CD96: variants seen among roughly 807,000 people sequenced by gnomAD.
CD96 encodes the protein CD96 molecule.
Under a neutral mutation model 71.3 loss-of-function variants are expected in CD96, and 70 were observed. That is an observed-to-expected ratio of 0.98 (90% CI 0.81 to 1.20). The LOEUF (loss-of-function observed/expected upper bound fraction) is 1.20, where lower values mean the gene tolerates loss of function less well. Ranked by LOEUF, CD96 falls within the 50% of genes most tolerant of loss-of-function variation. The probability of loss-of-function intolerance (pLI) is 0.00; values close to 1 mark genes in which losing one functional copy is unlikely to be tolerated. For synonymous variants in CD96, 248 were observed against 233.0 expected (o/e 1.06, Z -0.59); for missense variants, 742 against 677.5 (o/e 1.10, Z -1.06).
Position 111,649,738 on chromosome 3 carries a change from A to G in CD96, c.1642A>G (p.Ile548Val), listed in dbSNP as rs759806710. ...PPPFKPPPPP[I>V]KYTCIQEPNE... ...ACCTTTCAAGCCACCACCACCTCCCATCAAGTACACTTGCATTCAAGAGCC... is the reference window on the plus strand; with the variant it reads ...ACCTTTCAAGCCACCACCACCTCCCGTCAAGTACACTTGCATTCAAGAGCC... The change falls in exon 14 of 14, where the codon ATC (isoleucine) becomes GTC (valine). Residue 548 changes from isoleucine (I) to valine (V), a missense_variant. By Grantham distance (29) the Ile-to-Val change is conservative. Transcript: ENST00000352690. The G allele has an allele frequency of 5.0e-6, 8 of 1,613,954 alleles. No individual in the cohort carries two copies. In the African/African-American group the frequency reaches 8.0e-5, roughly 16 times the overall value.
chr3:111,637,123 G>C, intron 10 of CD96, 73 bp from the exon 11 acceptor site: 5 of 809,498 alleles, frequency 6.2e-6, no homozygotes, highest in South Asian at 5.5e-5. Flanking sequence ...ATAATTATTA[G>C]ATTAAATTAG....
At chr3:111,665,928 C>A (rs1940468063), downstream of CD96, among the ~76,000 whole-genome samples, 2 of 152,206 alleles carry the variant, frequency 1.3e-5, no homozygotes, top group African/African-American at 4.8e-5. Context: ...GACTTTTACC[C>A]ATCACCCCAA....
chr3:111,657,931 T>C (rs1576442810), intron 14 of CD96, among the ~76,000 whole-genome samples: 1 of 152,200 alleles, frequency 6.6e-6, no homozygotes, highest in South Asian at 2.1e-4. Flanking sequence ...AGCATGCATA[T>C]GTGTTTTGCA....
intron 5 of CD96, chr3:111,593,872 C>T (rs748721140): frequency 1.2e-6 from 2 of 1,613,780 alleles, no homozygotes; most frequent in Non-Finnish European, 1.7e-6. Flanking sequence ...CACTCTTCTC[C>T]AGCTCCTCTC....
intron 11 of CD96, among the ~76,000 whole-genome samples, chr3:111,637,611 T>A (rs1000339408): frequency 2.0e-5 from 3 of 152,194 alleles, no homozygotes; most frequent in South Asian, 4.1e-4. Context: ...TTTATTAACC[T>A]TATCAAACAC....
rs747753597 is a variant in CD96 at position 111,647,611 on chromosome 3, TG to T, written c.1547del (p.Cys516SerfsTer2). 1 of 1,612,176 alleles carries T rather than the reference TG, an allele frequency of 6.2e-7. No homozygotes were observed. Among genetic ancestry groups the T allele is most frequent in the South Asian group, 1.1e-5 (1 of 91,046 alleles). Reference protein sequence around the residue: ...PVIVAALLFCCMILFGLGVRK... With the variant: ...PVIVAALLFCXMILFGLGVRK... ...GATTGTAGCAGCTTTACTCTTTTGC[TG>T]CATGATATTGTTTGGTCTTGGAGTG... is the stretch of plus-strand genomic sequence containing the variant. On this transcript the variant is annotated frameshift_variant, in exon 13 of 14. Transcript: ENST00000352690. LOFTEE classifies it high-confidence loss of function.
chr3:111,557,991 GA>G (rs1399085466), intron 2 of CD96, among the ~76,000 whole-genome samples: 2 of 147,060 alleles, frequency 1.4e-5, no homozygotes, highest in Non-Finnish European at 3.0e-5. Context: ...GTTCACTCAT[GA>G]TTTGGCTCTC....
At chr3:111,548,643 C>T (rs1559710177) in intron 2 of CD96, among the ~76,000 whole-genome samples, 1 of 152,066 alleles carries the variant, frequency 6.6e-6, no homozygotes, top group Non-Finnish European at 1.5e-5. Flanking sequence ...TATAACATGG[C>T]TTTAATTTAC....
At chr3:111,577,620 C>T in intron 3 of CD96, 1 of 979,134 alleles carries the variant, frequency 1.0e-6, no homozygotes. Flanking sequence ...ACAATACTAT[C>T]TGTATGTAAG....
chr3:111,589,404 C>T (rs943027359), intron 5 of CD96, among the ~76,000 whole-genome samples: 3 of 152,146 alleles, frequency 2.0e-5, no homozygotes, highest in Admixed American at 6.5e-5. Context: ...ATAAAATTTC[C>T]TCTTCTCTAC....
intron 1 of CD96, among the ~76,000 whole-genome samples, 157 bp downstream of exon 1, chr3:111,542,466 A>G (rs909832090): frequency 1.3e-5 from 2 of 152,136 alleles, no homozygotes; most frequent in African/African-American, 2.4e-5. Context: ...CGGCAGGTAT[A>G]AGAGAGATGC....
Position 111,625,498 on chromosome 3 carries a change from A to G in CD96, c.1321+1094A>G, listed in dbSNP as rs944447262. ...ATAAATGGAACTTAAGTGTCTATCA[A>G]AGATGGTGTGGCAGATTACTGTGAA... On this transcript the variant is annotated intron_variant, in intron 10 of 13. Coordinates refer to ENST00000352690, the MANE Select transcript of CD96 (RefSeq NM_005816.5). Among the ~76,000 whole-genome samples, 8 of 152,308 alleles carry G rather than the reference A, an allele frequency of 5.3e-5. No individual in the cohort carries two copies. The East Asian group carries it at 9.6e-4, about 18-fold the overall frequency.
intron 2 of CD96, among the ~76,000 whole-genome samples, chr3:111,550,604 C>T (rs1038104322): frequency 4.6e-5 from 7 of 151,738 alleles, no homozygotes; most frequent in African/African-American, 1.5e-4. Context: ...AAAAAAAGAA[C>T]AGTTTTTTTT....
chr3:111,589,222 T>A (rs1936860236), intron 5 of CD96, among the ~76,000 whole-genome samples: 1 of 152,226 alleles, frequency 6.6e-6, no homozygotes, highest in Admixed American at 6.5e-5. Context: ...AGTGCTGGGA[T>A]TACAGGCATG....
At chr3:111,646,692 G>C (rs1267645194) in intron 12 of CD96, among the ~76,000 whole-genome samples, 3 of 151,876 alleles carry the variant, frequency 2.0e-5, no homozygotes, top group African/African-American at 7.2e-5. Context: ...ATTACTATTT[G>C]ATCCAGCAAT....
rs550369054 is a variant in CD96 at position 111,599,721 on chromosome 3, C to CA, written c.899-992dup. ...GGGCAACAAGAGTGAAACCCTATCT[C>CA]AAAAAAAAAAAAAGTTATTATAAAT... On this transcript the variant is annotated intron_variant, in intron 6 of 13. Transcript: ENST00000352690. Among the ~76,000 whole-genome samples, 768 of 141,230 alleles carry CA rather than the reference C, an allele frequency of 5.4e-3. 4 individuals carry two copies. Among genetic ancestry groups the CA allele is most frequent in the African/African-American group, 0.016 (634 of 38,576 alleles). The allele number at this position is 141,230 out of a possible 152,430, so 92.7% of individuals were successfully genotyped here.
chr3:111,561,862 T>C (rs56056317), intron 2 of CD96, among the ~76,000 whole-genome samples: 21,875 of 149,520 alleles, frequency 0.15, 1,625 homozygotes, highest in African/African-American at 0.23. Context: ...ATCAGCGAGA[T>C]TCCGTGGGCG....
intron 1 of CD96, among the ~76,000 whole-genome samples, chr3:111,544,156 G>A (rs187465831): frequency 2.6e-4 from 40 of 151,288 alleles, no homozygotes; most frequent in Non-Finnish European, 4.1e-4. Context: ...TTCGTTTTTC[G>A]TTTTTTTGAG....
intron 12 of CD96, among the ~76,000 whole-genome samples, chr3:111,644,341 A>AC (rs1471193243): frequency 1.3e-5 from 2 of 152,164 alleles, no homozygotes; most frequent in Non-Finnish European, 2.9e-5. Flanking sequence ...TAAACCTAAG[A>AC]CCTGAAACTA....
Sources: gnomAD v4.1 joint callset for allele counts (sites outside exome capture counted in the v4.1 genomes callset) on GRCh38, gnomAD v4.1.1 for gene constraint, MANE v1.5 for transcripts, NCBI Gene and HGNC (gene_info 2026-07-23, HGNC 2026-07-21) for gene names.